NEB: variants seen among roughly 807,000 people sequenced by gnomAD.
The protein encoded by NEB is nebulin.
Under a neutral mutation model 952.2 loss-of-function variants are expected in NEB, and 512 were observed. That is an observed-to-expected ratio of 0.54 (90% CI 0.50 to 0.58). The LOEUF (loss-of-function observed/expected upper bound fraction) is 0.58, where lower values mean the gene tolerates loss of function less well. NEB is among the 20% of genes least tolerant of loss of function. NEB has a pLI of 0.00. For synonymous variants in NEB, 2,900 were observed against 3,149.8 expected (o/e 0.92, Z 2.66); for missense variants, 8,428 against 9,231.1 (o/e 0.91, Z 3.56).
chr2:151,555,185 C>T, intron 124 of NEB, 141 bp from the exon 125 acceptor site: 1 of 636,212 alleles, frequency 1.6e-6, no homozygotes, highest in East Asian at 2.7e-5. Flanking sequence ...GAACTCATTT[C>T]CCCACCTGTA....
chr2:151,678,252 C>A, intron 32 of NEB, 65 bp from the exon 33 acceptor site: 1 of 1,068,384 alleles, frequency 9.4e-7, no homozygotes, highest in South Asian at 1.8e-5. Context: ...AACAATGAGG[C>A]CATGATTTGA....
chr2:151,553,355 G>C (rs2095447037), intron 127 of NEB, 43 bp downstream of exon 127: 1 of 1,446,064 alleles, frequency 6.9e-7, no homozygotes, highest in Non-Finnish European at 9.7e-7. Flanking sequence ...CTAGACTATG[G>C]AGAAATGGAA....
chr2:151,498,891 T>TTAAAA (rs577381350), intron 169 of NEB, among the ~76,000 whole-genome samples: 1 of 150,220 alleles, frequency 6.7e-6, no homozygotes, highest in Non-Finnish European at 1.5e-5. Context: ...GATAAGGTGC[T>TTAAAA]AAAAAAAAGA....
chr2:151,493,171 A>C (rs1019309946), intron 176 of NEB, 182 bp downstream of exon 176: 26 of 556,978 alleles, frequency 4.7e-5, no homozygotes, highest in Non-Finnish European at 7.3e-5. Flanking sequence ...ATTTTAGTGT[A>C]AATTTTCAGT....
intron 161 of NEB, among the ~76,000 whole-genome samples, chr2:151,509,892 G>A (rs998267177): frequency 1.3e-5 from 2 of 152,192 alleles, no homozygotes; most frequent in Non-Finnish European, 2.9e-5. Flanking sequence ...ACAGGCGCGA[G>A]CCACTGCGCC....
intron 158 of NEB, 143 bp from the exon 159 acceptor site, chr2:151,514,571 G>C: frequency 1.4e-6 from 1 of 698,518 alleles, no homozygotes; most frequent in Non-Finnish European, 2.5e-6. Context: ...CAGGGTATAA[G>C]CATGATCAGT....
rs1327199705 is a variant in NEB, at chr2:151,636,458, A to T, written c.8995-124T>A. 4 of 773,332 alleles carry T rather than the reference A, an allele frequency of 5.2e-6. No individual in the cohort carries two copies. In the African/African-American group the frequency reaches 7.1e-5, roughly 14 times the overall value. 47.9% of individuals were successfully genotyped at this position (773,332 alleles called of 1,614,324 possible). On this transcript the variant is annotated intron_variant, in intron 63 of 181. Coordinates refer to ENST00000397345, the MANE Select transcript of NEB (RefSeq NM_001164508.2). Reference sequence around the variant, plus strand: ...AATAATCTTTCTTTTGAGAGTTCTAAGCCTTCTGCATGTTTGTTGAAGTGA... The same window carrying T: ...AATAATCTTTCTTTTGAGAGTTCTATGCCTTCTGCATGTTTGTTGAAGTGA...
At chr2:151,536,405 A>G (rs1167739176) in intron 141 of NEB, among the ~76,000 whole-genome samples, 1 of 152,178 alleles carries the variant, frequency 6.6e-6, no homozygotes, top group African/African-American at 2.4e-5. Context: ...TATAATTATT[A>G]TTTAACTTTG....
chr2:151,558,008 G>C (rs1179085151), intron 124 of NEB, among the ~76,000 whole-genome samples: 4 of 152,210 alleles, frequency 2.6e-5, no homozygotes, highest in Non-Finnish European at 2.9e-5. Flanking sequence ...AGTATTGGAA[G>C]TTCTGGCCAG....
Position 151,678,292 on chromosome 2 carries a change from C to A in NEB, c.3256-105G>T, listed in dbSNP as rs2099387968. ...ATTGAGCTTCCCAAAAATTACTGTA[C>A]TTCAATAACCAAACAATTAACAATT... On this transcript the variant is annotated intron_variant, in intron 32 of 181. Transcript: ENST00000397345. 6.2e-6 allele frequency: 4 copies of A among 646,846 alleles called. No individual in the cohort carries two copies. The South Asian group carries it at 6.8e-5, about 11-fold the overall frequency. The allele number at this position is 646,846 out of a possible 1,614,324, so 40.1% of individuals were successfully genotyped here.
At chr2:151,697,074 A>T in intron 16 of NEB, 74 bp downstream of exon 16, 1 of 1,132,764 alleles carries the variant, frequency 8.8e-7, no homozygotes. Flanking sequence ...TAAAAGTGGC[A>T]ACATTTTAAA....
At chr2:151,545,845 T>A in intron 135 of NEB, 43 bp downstream of exon 135, 1 of 1,231,586 alleles carries the variant, frequency 8.1e-7, no homozygotes, top group South Asian at 1.3e-5. Context: ...CAGTTTGTAC[T>A]GGTCAATTTG....
chr2:151,727,078 G>A (rs1474769589), intron 5 of NEB, among the ~76,000 whole-genome samples: 3 of 150,530 alleles, frequency 2.0e-5, no homozygotes, highest in Non-Finnish European at 4.4e-5. Flanking sequence ...AAACCTTTCT[G>A]CACAGTCCCA....
Position 151,697,340 on chromosome 2 carries a change from T to C in NEB, c.1365+10A>G, listed in dbSNP as rs1360157387. On this transcript the variant is annotated intron_variant, in intron 15 of 181. Coordinates refer to ENST00000397345, the MANE Select transcript of NEB (RefSeq NM_001164508.2). Reference sequence around the variant, plus strand: ...TATTTGGAAAGTCAAACAATTGTCTTAGAACTTACATCACTGTTTTGAGCT... The same window carrying C: ...TATTTGGAAAGTCAAACAATTGTCTCAGAACTTACATCACTGTTTTGAGCT... The C allele has an allele frequency of 6.2e-7, 1 of 1,612,692 alleles. No homozygotes were observed. The highest frequency in any genetic ancestry group is 8.5e-7 in the Non-Finnish European group (1 of 1,178,684).
intron 13 of NEB, among the ~76,000 whole-genome samples, chr2:151,701,508 G>A (rs1320925180): frequency 1.3e-5 from 2 of 150,474 alleles, no homozygotes; most frequent in South Asian, 2.1e-4. Flanking sequence ...ACTCTTTTTG[G>A]TTGGTAAACT....
chr2:151,698,349 TTCA>T lies in NEB; in HGVS notation c.1153-704_1153-702del, dbSNP rs538573341. Among the ~76,000 whole-genome samples, 160 of 152,160 alleles carry T rather than the reference TTCA, an allele frequency of 1.1e-3. 2 individuals carry two copies. Among genetic ancestry groups the T allele is most frequent in the Middle Eastern group, 6.8e-3 (2 of 294 alleles). On this transcript the variant is annotated intron_variant, in intron 13 of 181. Transcript: ENST00000397345. ...GTCACCACAATCAATTTTAAAACAT[TTCA>T]TCATCTCAAAAAAGCAAAACAAAAA...
At chr2:151,663,485 T>C in intron 45 of NEB, 63 bp downstream of exon 45, 1 of 1,459,320 alleles carries the variant, frequency 6.9e-7, no homozygotes, top group Non-Finnish European at 9.3e-7. Flanking sequence ...CGTCATTGCT[T>C]ATGGTCACTC....
chr2:151,730,596 C>A (rs1578141145), intron 3 of NEB, among the ~76,000 whole-genome samples: 1 of 115,580 alleles, frequency 8.7e-6, no homozygotes, highest in Non-Finnish European at 1.7e-5. Flanking sequence ...AAAGATGAAA[C>A]ACTTGGCTCA....
intron 161 of NEB, among the ~76,000 whole-genome samples, chr2:151,509,688 C>T (rs561268084): frequency 2.0e-5 from 3 of 152,214 alleles, no homozygotes; most frequent in South Asian, 2.1e-4. Context: ...AGTCCAGTGA[C>T]GTGATCTTGG....
Sources: gnomAD v4.1 joint callset for allele counts (sites outside exome capture counted in the v4.1 genomes callset) on GRCh38, gnomAD v4.1.1 for gene constraint, MANE v1.5 for transcripts, NCBI Gene and HGNC (gene_info 2026-07-23, HGNC 2026-07-21) for gene names.